Variants in RALGAPA1 observed in about 807,000 individuals in gnomAD.
The protein encoded by RALGAPA1 is Ral GTPase activating protein catalytic subunit alpha 1, also known as ral GTPase-activating protein subunit alpha-1.
In RALGAPA1, 52 loss-of-function variants were observed where a neutral mutation model predicts 269.6. The observed-to-expected ratio is 0.19, with a 90% CI of 0.15 to 0.24. The LOEUF is 0.24. Among genes scored for constraint, RALGAPA1 ranks in the 10% least tolerant of loss-of-function variants. The probability of loss-of-function intolerance (pLI) is 1.00; values close to 1 mark genes in which losing one functional copy is unlikely to be tolerated. For missense variants in RALGAPA1, 1,917 were observed against 3,013.9 expected, an observed-to-expected ratio of 0.64 and a Z score of 8.52; for synonymous variants, 817 against 1,008.3, an observed-to-expected ratio of 0.81 and a Z score of 3.60.
At chr14:35,561,092 T>C (rs1033059334) in intron 39 of RALGAPA1, among the ~76,000 whole-genome samples, 8 of 151,716 alleles carry the variant, frequency 5.3e-5, no homozygotes, top group African/African-American at 1.9e-4. Flanking sequence ...CTGGGCGTGG[T>C]GGCAGGCACC....
intron 1 of RALGAPA1, among the ~76,000 whole-genome samples, chr14:35,798,268 TG>T (rs2076722213): frequency 1.3e-5 from 2 of 151,786 alleles, no homozygotes; most frequent in African/African-American, 2.4e-5. Context: ...CTCAATCTCC[TG>T]GGCTCAAGCA....
Position 35,586,713 on chromosome 14 carries a change from A to G in RALGAPA1, c.7209+8921T>C, listed in dbSNP as rs111637265. Among the ~76,000 whole-genome samples the G allele has an allele frequency of 4.4e-4, 67 of 152,238 alleles. 1 individual carries two copies. Among genetic ancestry groups the G allele is most frequent in the African/African-American group, 1.4e-3 (58 of 41,556 alleles). On this transcript the variant is annotated intron_variant, in intron 37 of 41. Coordinates refer to ENST00000680220, the MANE Select transcript of RALGAPA1 (RefSeq NM_001346249.2). Reference sequence around the variant, plus strand: ...TCTGCATCTATTGAGATAATCATGGATAATCATGTGGTTTTTGTCTTTGGT... The same window carrying G: ...TCTGCATCTATTGAGATAATCATGGGTAATCATGTGGTTTTTGTCTTTGGT...
rs1472522727 is a variant in RALGAPA1, at chr14:35,784,071, C to CA, written c.107-8327dup. On this transcript the variant is annotated intron_variant, in intron 1 of 41. Coordinates refer to ENST00000680220, the MANE Select transcript of RALGAPA1 (RefSeq NM_001346249.2). ...TTCCATTCCTAGAACATTACATACC[C>CA]AAGAATTGAAAACATAAGATCAGGC... is the stretch of plus-strand genomic sequence containing the variant. Among the ~76,000 whole-genome samples, 14 of 151,104 alleles carry CA rather than the reference C, an allele frequency of 9.3e-5. No homozygotes were observed. The South Asian group carries it at 1.0e-3, about 11-fold the overall frequency.
intron 1 of RALGAPA1, among the ~76,000 whole-genome samples, chr14:35,777,949 T>G (rs2075158434): frequency 6.6e-6 from 1 of 152,182 alleles, no homozygotes; most frequent in African/African-American, 2.4e-5. Context: ...AAACATCAAT[T>G]AATTTCTTAG....
At chr14:35,758,262 A>C (rs966044032) in intron 6 of RALGAPA1, among the ~76,000 whole-genome samples, 1 of 151,022 alleles carries the variant, frequency 6.6e-6, no homozygotes, top group African/African-American at 2.4e-5. Flanking sequence ...AAAAAAAAAA[A>C]AAAACAAACC....
chr14:35,775,185 T>C (rs1018056889), intron 2 of RALGAPA1, 130 bp from the exon 3 acceptor site: 2 of 617,240 alleles, frequency 3.2e-6, no homozygotes, highest in African/African-American at 3.8e-5. Context: ...GCATATTCCA[T>C]TCATTGTGTA....
At chr14:35,753,625 G>A (rs946761696) in intron 7 of RALGAPA1, among the ~76,000 whole-genome samples, 10 of 152,140 alleles carry the variant, frequency 6.6e-5, no homozygotes, top group Non-Finnish European at 1.2e-4. Context: ...AACATGAAAT[G>A]TCCAGAATAG....
Position 35,727,329 on chromosome 14 carries a change from A to ATAC in RALGAPA1, c.1736+1032_1736+1033insGTA, listed in dbSNP as rs1214764059. 7.5e-4 allele frequency among the ~76,000 whole-genome samples: 109 copies of ATAC among 144,904 alleles called. 2 individuals carry two copies. Among genetic ancestry groups the ATAC allele is most frequent in the African/African-American group, 2.5e-3 (101 of 39,972 alleles). On this transcript the variant is annotated intron_variant, in intron 13 of 41. Transcript: ENST00000680220. ...TTATGGCATATATATATATATATAT[A>ATAC]TATATATATATATATATAGTATAAT...
At chr14:35,795,887 G>A (rs1171845783) in intron 1 of RALGAPA1, among the ~76,000 whole-genome samples, 1 of 151,756 alleles carries the variant, frequency 6.6e-6, no homozygotes, top group Non-Finnish European at 1.5e-5. Context: ...GGGAAGCTGA[G>A]GTAGGAGGAT....
In RALGAPA1 at chr14:35,728,423, T is replaced by A; in HGVS notation, c.1675A>T (p.Lys559Ter). 1 of 1,604,746 alleles carries A rather than the reference T, an allele frequency of 6.2e-7. No homozygotes were observed. Among genetic ancestry groups the A allele is most frequent in the Non-Finnish European group, 8.5e-7 (1 of 1,177,112 alleles). Reference sequence around the variant, plus strand: ...TACCGATAAATGTTAAGAATGCGTTTACACATATCTGTGTGTTCATCCAGA... The same window carrying A: ...TACCGATAAATGTTAAGAATGCGTTAACACATATCTGTGTGTTCATCCAGA... ...NLLDEHTDMC[K>*]RILNIYRYMV... Residue 559 changes from lysine to a stop codon, truncating the protein, a stop_gained, in exon 13 of 42, where the codon AAA (lysine) becomes TAA (stop). Coordinates refer to ENST00000680220, the MANE Select transcript of RALGAPA1 (RefSeq NM_001346249.2). LOFTEE classifies it high-confidence loss of function.
chr14:35,591,633 T>C (rs1258636741), intron 37 of RALGAPA1, among the ~76,000 whole-genome samples: 1 of 152,200 alleles, frequency 6.6e-6, no homozygotes, highest in African/African-American at 2.4e-5. Flanking sequence ...ATTTCTGTTT[T>C]ATTTTTTCCT....
At chr14:35,621,839 G>A (rs2060650381) in intron 35 of RALGAPA1, among the ~76,000 whole-genome samples, 2 of 152,152 alleles carry the variant, frequency 1.3e-5, no homozygotes, top group South Asian at 2.1e-4. Flanking sequence ...AGTTAGAATG[G>A]CAATCATTAA....
chr14:35,627,025 C>T (rs2061034214), intron 34 of RALGAPA1, 65 bp downstream of exon 34: 1 of 1,344,370 alleles, frequency 7.4e-7, no homozygotes, highest in Non-Finnish European at 9.7e-7. Context: ...AAATAAAATG[C>T]TTTATCAGAA....
intron 41 of RALGAPA1, chr14:35,541,792 A>G (rs1418055472): frequency 2.2e-6 from 1 of 457,246 alleles, no homozygotes; most frequent in Non-Finnish European, 4.4e-6. Flanking sequence ...GAGAACTATC[A>G]CTGCATTTCT....
chr14:35,626,193 G>A (rs1282392341), intron 34 of RALGAPA1, among the ~76,000 whole-genome samples: 1 of 152,020 alleles, frequency 6.6e-6, no homozygotes. Flanking sequence ...CTAATAAGAG[G>A]CTTTCCTATA....
intron 22 of RALGAPA1, among the ~76,000 whole-genome samples, chr14:35,675,844 A>G (rs554637814): frequency 9.2e-5 from 14 of 152,352 alleles, no homozygotes; most frequent in African/African-American, 3.4e-4. Context: ...CCATAAAGTT[A>G]TGATTTCTCA....
At chr14:35,639,970 T>G (rs1373945384) in intron 31 of RALGAPA1, among the ~76,000 whole-genome samples, 3 of 150,058 alleles carry the variant, frequency 2.0e-5, no homozygotes, top group Non-Finnish European at 4.4e-5. Context: ...AATTAAACAA[T>G]ATCTTCCTGA....
chr14:35,712,766 TAAAGTGCTAAGATTAC>T (rs536003895), intron 16 of RALGAPA1, among the ~76,000 whole-genome samples: 1,543 of 152,282 alleles, frequency 0.01, 22 homozygotes, highest in East Asian at 0.067. Flanking sequence ...CACCTCAGTC[TAAAGTGCTAAGATTAC>T]AAAGTGCTAA....
At chr14:35,571,695 CAAAACA>C (rs1434604122) in intron 38 of RALGAPA1, among the ~76,000 whole-genome samples, 1 of 151,832 alleles carries the variant, frequency 6.6e-6, no homozygotes, top group Non-Finnish European at 1.5e-5. Context: ...AACCAAAAAC[CAAAACA>C]AAACCACCAC....
Sources: gnomAD v4.1 joint callset for allele counts (sites outside exome capture counted in the v4.1 genomes callset) on GRCh38, gnomAD v4.1.1 for gene constraint, MANE v1.5 for transcripts, NCBI Gene and HGNC (gene_info 2026-07-23, HGNC 2026-07-21) for gene names.